The following RANBP2 variants were observed in gnomAD, a reference collection of about 807,000 sequenced individuals.
RANBP2 encodes E3 SUMO-protein ligase RanBP2.
RANBP2 carries 57 observed loss-of-function variants against 303.6 expected under a neutral mutation model. The ratio of observed to expected loss-of-function variants is 0.19; its 90% CI spans 0.15 to 0.23. The LOEUF (loss-of-function observed/expected upper bound fraction) is 0.23, where lower values mean the gene tolerates loss of function less well. RANBP2 is among the 10% of genes least tolerant of loss of function. The pLI, the probability that RANBP2 is intolerant of heterozygous loss-of-function variation, is 1.00. For synonymous variants in RANBP2, 1,167 were observed against 1,301.5 expected, an observed-to-expected ratio of 0.90 and a Z score of 2.23; for missense variants, 3,138 against 3,780.8, an observed-to-expected ratio of 0.83 and a Z score of 4.46.
intron 8 of RANBP2, among the ~76,000 whole-genome samples, chr2:108,748,551 G>A (rs1288732948): frequency 1.3e-5 from 2 of 151,976 alleles, no homozygotes; most frequent in East Asian, 1.9e-4. Context: ...GTTTAAAGGA[G>A]GATTCTGATC....
the RANBP2 span, among the ~76,000 whole-genome samples, chr2:109,196,526 C>T: frequency 5.6e-4 from 86 of 152,352 alleles, no homozygotes; most frequent in African/African-American, 2.0e-3. Flanking sequence ...AGCTACTTAG[C>T]ACCTGTGCTG....
intron 23 of RANBP2, among the ~76,000 whole-genome samples, chr2:108,773,606 C>T (rs1405133126): frequency 6.6e-6 from 1 of 151,058 alleles, no homozygotes; most frequent in Non-Finnish European, 1.5e-5. Flanking sequence ...CGAAATTGAT[C>T]TATAGATTTA....
At chr2:109,655,006 G>A in the RANBP2 span, among the ~76,000 whole-genome samples, 2 of 151,432 alleles carry the variant, frequency 1.3e-5, no homozygotes, top group Admixed American at 1.3e-4. Context: ...GGTTTCAAAT[G>A]ATTCTCCTGC....
intron 7 of RANBP2, among the ~76,000 whole-genome samples, chr2:108,744,900 T>C (rs2912850): frequency 3.3e-5 from 5 of 152,240 alleles, no homozygotes; most frequent in Non-Finnish European, 5.9e-5. Context: ...AGTAAACACA[T>C]ATATATCTCC....
chr2:109,263,128 G>C, the RANBP2 span, among the ~76,000 whole-genome samples: 1 of 152,190 alleles, frequency 6.6e-6, no homozygotes, highest in Non-Finnish European at 1.5e-5. Flanking sequence ...TTATAGGCGT[G>C]AGCCACCACG....
At chr2:109,283,981 G>T in the RANBP2 span, among the ~76,000 whole-genome samples, 2 of 152,154 alleles carry the variant, frequency 1.3e-5, no homozygotes, top group African/African-American at 4.8e-5. Flanking sequence ...TCTGCCCGTG[G>T]GTGTTTTTCC....
At chr2:109,516,602 C>T in the RANBP2 span, among the ~76,000 whole-genome samples, 32,856 of 152,168 alleles carry the variant, frequency 0.22, 4,141 homozygotes, top group Non-Finnish European at 0.28. Context: ...GCCACCCCAA[C>T]GCAAGGGAGG....
chr2:108,972,312 C>G, the RANBP2 span, among the ~76,000 whole-genome samples: 2 of 152,248 alleles, frequency 1.3e-5, no homozygotes, highest in Admixed American at 1.3e-4. Context: ...GCCCAGTTCT[C>G]GACAAGCTTA....
At chr2:109,655,323 A>C in the RANBP2 span, among the ~76,000 whole-genome samples, 1 of 152,226 alleles carries the variant, frequency 6.6e-6, no homozygotes, top group African/African-American at 2.4e-5. Context: ...AACACAGTCG[A>C]TAGGTGACTG....
chr2:109,036,844 C>CA, the RANBP2 span, among the ~76,000 whole-genome samples: 1 of 151,984 alleles, frequency 6.6e-6, no homozygotes, highest in South Asian at 2.1e-4. Flanking sequence ...CCCGTCTCTT[C>CA]AAAAAATACA....
chr2:108,883,844 A>C, the RANBP2 span: 1 of 152,150 alleles, frequency 6.6e-6, no homozygotes, highest in African/African-American at 2.4e-5. Context: ...TAAATTACGC[A>C]CCTTGAGGGT....
chr2:109,640,040 C>T, the RANBP2 span, among the ~76,000 whole-genome samples: 4 of 151,708 alleles, frequency 2.6e-5, no homozygotes, highest in African/African-American at 4.8e-5. Context: ...AGAAAAGAAC[C>T]CAAGTAACTT....
At position 108,775,921 on chromosome 2, in the gene RANBP2, G is replaced by C; in HGVS notation, c.8482G>C (p.Asp2828His). The stretch of plus-strand genomic sequence containing the variant: ...GTCAACTAGAAAGGAAATTGATACA[G>C]ATTCTACAAGCCAAGGTAAATCTTG... ...DLSTRKEIDT[D>H]STSQGESKIV... The change falls in exon 24 of 29, where the codon GAT becomes CAT. Residue 2828 changes from aspartate to histidine, a missense_variant. Coordinates refer to ENST00000283195, the MANE Select transcript of RANBP2 (RefSeq NM_006267.5). The C allele has an allele frequency of 6.2e-7, 1 of 1,610,118 alleles. No individual in the cohort carries two copies. Among genetic ancestry groups the C allele is most frequent in the African/African-American group, 1.3e-5 (1 of 75,014 alleles).
At chr2:108,788,069 G>T (rs751372603), downstream of RANBP2, 30 of 1,599,300 alleles carry the variant, frequency 1.9e-5, no homozygotes, top group Non-Finnish European at 2.6e-5. Flanking sequence ...AAGTATAAGA[G>T]AAGAACTCTA....
At chr2:109,412,727 C>T in the RANBP2 span, among the ~76,000 whole-genome samples, 2 of 152,172 alleles carry the variant, frequency 1.3e-5, 1 homozygote, top group Admixed American at 1.3e-4. Flanking sequence ...GGAAATGTTT[C>T]AGGAAACCAT....
At chr2:109,277,686 C>T in the RANBP2 span, among the ~76,000 whole-genome samples, 14 of 152,192 alleles carry the variant, frequency 9.2e-5, no homozygotes, top group Non-Finnish European at 1.5e-5. Flanking sequence ...GGGTGCCTCC[C>T]ATTCATGAGG....
chr2:109,693,607 C>T, the RANBP2 span, among the ~76,000 whole-genome samples: 5 of 152,200 alleles, frequency 3.3e-5, no homozygotes, highest in Admixed American at 2.6e-4. Context: ...CCTGCCACCA[C>T]GTAAGACGTG....
chr2:109,615,620 G>C, the RANBP2 span: 1 of 1,613,924 alleles, frequency 6.2e-7, no homozygotes, highest in Non-Finnish European at 8.5e-7. Context: ...GTGGGAAAAA[G>C]GCCTCCCAGT....
At chr2:109,764,187 A>G in the RANBP2 span, among the ~76,000 whole-genome samples, 2 of 150,222 alleles carry the variant, frequency 1.3e-5, no homozygotes, top group East Asian at 4.1e-4. Flanking sequence ...AAGACTGGAG[A>G]ACTTAGAAAA....
Sources: gnomAD v4.1 joint callset for allele counts (sites outside exome capture counted in the v4.1 genomes callset) on GRCh38, gnomAD v4.1.1 for gene constraint, MANE v1.5 for transcripts, NCBI Gene and HGNC (gene_info 2026-07-23, HGNC 2026-07-21) for gene names.